ROBO2: variants seen among roughly 807,000 people sequenced by gnomAD.
ROBO2 encodes the protein roundabout homolog 2.
A neutral mutation model predicts 160.8 loss-of-function variants in ROBO2; 53 were observed. That is an observed-to-expected ratio of 0.33 (90% CI 0.26 to 0.41). The LOEUF is 0.41. Among genes scored for constraint, ROBO2 ranks in the 10% least tolerant of loss-of-function variants. The pLI, the probability that ROBO2 is intolerant of heterozygous loss-of-function variation, is 1.00. For missense variants in ROBO2, 1,577 were observed against 1,722.4 expected, an observed-to-expected ratio of 0.92 and a Z score of 1.49; for synonymous variants, 664 against 611.7, an observed-to-expected ratio of 1.09 and a Z score of -1.26.
chr3:77,044,986 T>C (rs2064498281), intron 1 of ROBO2, among the ~76,000 whole-genome samples: 1 of 152,182 alleles, frequency 6.6e-6, no homozygotes, highest in African/African-American at 2.4e-5. Context: ...TGTGTGCCTT[T>C]ATTAGCTGAG....
At chr3:76,615,243 C>A (rs565037722) in intron 2 of ROBO2, among the ~76,000 whole-genome samples, 47 of 152,050 alleles carry the variant, frequency 3.1e-4, no homozygotes, top group African/African-American at 1.1e-3. Context: ...TATTATTTTG[C>A]TTTTGAAAAT....
intron 2 of ROBO2, among the ~76,000 whole-genome samples, chr3:77,339,007 T>A (rs572350773): frequency 6.6e-6 from 1 of 152,156 alleles, no homozygotes; most frequent in Admixed American, 6.6e-5. Context: ...ATTAGAGGAG[T>A]ATTATGATAG....
At chr3:77,468,030 A>G (rs1472630585) in intron 2 of ROBO2, among the ~76,000 whole-genome samples, 1 of 152,170 alleles carries the variant, frequency 6.6e-6, no homozygotes, top group African/African-American at 2.4e-5. Context: ...CTATGTTTGG[A>G]CACAATCTCT....
chr3:77,529,139 TA>T (rs959689264), intron 6 of ROBO2, among the ~76,000 whole-genome samples: 1 of 151,006 alleles, frequency 6.6e-6, no homozygotes, highest in African/African-American at 2.4e-5. Flanking sequence ...TATAATAAAA[TA>T]AAATAAGTGG....
chr3:76,232,312 G>T (rs951094267), intron 2 of ROBO2, among the ~76,000 whole-genome samples: 2 of 152,170 alleles, frequency 1.3e-5, no homozygotes, highest in African/African-American at 4.8e-5. Context: ...AAGATAATTT[G>T]GATGTATCTT....
chr3:76,108,775 T>G (rs189701280), intron 2 of ROBO2, among the ~76,000 whole-genome samples: 2 of 151,446 alleles, frequency 1.3e-5, no homozygotes, highest in East Asian at 3.9e-4. Context: ...TTAATTAGAA[T>G]TTTGTTTTTA....
chr3:77,168,483 T>C (rs2079314202), intron 2 of ROBO2, among the ~76,000 whole-genome samples: 1 of 152,172 alleles, frequency 6.6e-6, no homozygotes, highest in African/African-American at 2.4e-5. Context: ...ATCTTGGTCT[T>C]CCTTTTCTTA....
chr3:76,031,833 T>A (rs986376644), intron 2 of ROBO2, among the ~76,000 whole-genome samples: 2 of 152,096 alleles, frequency 1.3e-5, no homozygotes, highest in Non-Finnish European at 2.9e-5. Flanking sequence ...TCTTTTTTTT[T>A]ATTGTGTTTC....
intron 2 of ROBO2, among the ~76,000 whole-genome samples, chr3:76,836,951 A>G (rs1403530168): frequency 5.3e-5 from 8 of 151,830 alleles, no homozygotes; most frequent in Non-Finnish European, 1.2e-4. Context: ...TTCTGTCAAT[A>G]TGCTCTATCA....
At chr3:76,096,578 G>T (rs1307216085) in intron 2 of ROBO2, among the ~76,000 whole-genome samples, 1 of 151,912 alleles carries the variant, frequency 6.6e-6, no homozygotes, top group Non-Finnish European at 1.5e-5. Context: ...ATTTGTTTTA[G>T]AATTTATCTC....
At chr3:76,024,937 G>GTATA (rs111727329) in intron 2 of ROBO2, among the ~76,000 whole-genome samples, 108 of 147,758 alleles carry the variant, frequency 7.3e-4, no homozygotes, top group African/African-American at 2.6e-3. Flanking sequence ...GTGTGTGTGC[G>GTATA]TATATATATA....
intron 2 of ROBO2, among the ~76,000 whole-genome samples, chr3:76,484,941 G>C (rs1365918664): frequency 6.6e-6 from 1 of 151,982 alleles, no homozygotes; most frequent in East Asian, 1.9e-4. Context: ...GCCCTATTTG[G>C]TCAACTATCT....
At chr3:76,711,720 T>C (rs1370312634) in intron 2 of ROBO2, among the ~76,000 whole-genome samples, 3 of 152,190 alleles carry the variant, frequency 2.0e-5, no homozygotes, top group Non-Finnish European at 4.4e-5. Context: ...GTTTTCATCA[T>C]GCACCATGCT....
intron 2 of ROBO2, among the ~76,000 whole-genome samples, chr3:76,995,051 C>A (rs1229510817): frequency 6.6e-6 from 1 of 151,904 alleles, no homozygotes; most frequent in Non-Finnish European, 1.5e-5. Context: ...CTGCACCCAT[C>A]AACTTATTAT....
intron 2 of ROBO2, among the ~76,000 whole-genome samples, chr3:76,569,770 G>A (rs1250033754): frequency 2.0e-5 from 3 of 151,916 alleles, no homozygotes; most frequent in South Asian, 2.1e-4. Flanking sequence ...CCCATTCTGC[G>A]AACACTTTCA....
At chr3:77,416,180 C>T (rs529217564) in intron 2 of ROBO2, among the ~76,000 whole-genome samples, 5 of 152,094 alleles carry the variant, frequency 3.3e-5, no homozygotes, top group Admixed American at 6.5e-5. Context: ...GGGGGAGGGC[C>T]CGAAAGTGGG....
intron 2 of ROBO2, among the ~76,000 whole-genome samples, chr3:76,360,795 T>G (rs2108383648): frequency 6.6e-6 from 1 of 152,184 alleles, no homozygotes; most frequent in Middle Eastern, 3.4e-3. Flanking sequence ...TTTTGCTTTT[T>G]GCCCTTGGCC....
intron 2 of ROBO2, among the ~76,000 whole-genome samples, chr3:76,918,659 T>A (rs1371795982): frequency 2.0e-5 from 3 of 152,220 alleles, no homozygotes; most frequent in African/African-American, 7.2e-5. Flanking sequence ...ATTTATTAAA[T>A]CATTAAAGGT....
intron 2 of ROBO2, among the ~76,000 whole-genome samples, chr3:76,449,472 G>A (rs1039340951): frequency 2.6e-5 from 4 of 152,048 alleles, no homozygotes; most frequent in Non-Finnish European, 5.9e-5. Context: ...CCTACATGCT[G>A]GGGTAGGGGT....
Sources: gnomAD v4.1 joint callset for allele counts (sites outside exome capture counted in the v4.1 genomes callset) on GRCh38, gnomAD v4.1.1 for gene constraint, MANE v1.5 for transcripts, NCBI Gene and HGNC (gene_info 2026-07-23, HGNC 2026-07-21) for gene names.